The following SLC45A2 variants were observed in gnomAD, a reference collection of about 807,000 sequenced individuals.
SLC45A2 encodes the protein solute carrier family 45 member 2.
A neutral mutation model predicts 45.5 loss-of-function variants in SLC45A2; 36 were observed. That is an observed-to-expected ratio of 0.79 (90% CI 0.61 to 1.04). SLC45A2 has a LOEUF of 1.04. Among genes scored for constraint, SLC45A2 ranks in the 50% least tolerant of loss-of-function variants. The pLI is 0.00. For synonymous variants in SLC45A2, 306 were observed against 269.3 expected (o/e 1.14, Z -1.33); for missense variants, 719 against 671.0 (o/e 1.07, Z -0.79).
At chr5:33,960,617 G>A (rs1475263113) in intron 3 of SLC45A2, among the ~76,000 whole-genome samples, 2 of 152,154 alleles carry the variant, frequency 1.3e-5, no homozygotes, top group East Asian at 3.9e-4. Context: ...GGGTAAGTGT[G>A]GAAAGGGGAT....
In SLC45A2 at chr5:33,955,683, C is replaced by T. The variant is rs574997542; in HGVS notation, c.889-1179G>A. Among the ~76,000 whole-genome samples the T allele has an allele frequency of 4.6e-5, 7 of 151,918 alleles. 1 individual carries two copies. The highest frequency in any genetic ancestry group is 1.7e-4 in the African/African-American group (7 of 41,426). On this transcript the variant is annotated intron_variant, in intron 3 of 6. Coordinates refer to ENST00000296589, the MANE Select transcript of SLC45A2 (RefSeq NM_016180.5). ...AACACACACACACACACACGGTCTT[C>T]AATATGTTAATGGAAAATGCATATT...
At chr5:33,983,404 A>G (rs1753139570) in intron 1 of SLC45A2, among the ~76,000 whole-genome samples, 1 of 152,232 alleles carries the variant, frequency 6.6e-6, no homozygotes, top group Non-Finnish European at 1.5e-5. Flanking sequence ...TCCTTCAGTA[A>G]TCCTCCTTAG....
rs148973175 is a variant in SLC45A2, at chr5:33,951,591, G to T, written c.1119C>A (p.Gly373=). 13 of 1,613,932 alleles carry T rather than the reference G, an allele frequency of 8.1e-6. No homozygotes were observed. The African/African-American group carries it at 1.7e-4, about 22-fold the overall frequency. Residue 373 remains glycine, a synonymous_variant, in exon 5 of 7, where the codon GGC becomes GGA. Transcript: ENST00000296589. ...AGGAAAACACGGAGTTGATGCACAA[G>T]CCCCAACATCCAACCTCGACTCCTC... ...YERGVEVGCW[G]LCINSVFSSL...
At chr5:33,950,015 C>T (rs1024867279) in intron 5 of SLC45A2, among the ~76,000 whole-genome samples, 1 of 151,590 alleles carries the variant, frequency 6.6e-6, no homozygotes, top group African/African-American at 2.4e-5. Flanking sequence ...TAGGGAGACC[C>T]CATCTCTAAA....
intron 2 of SLC45A2, among the ~76,000 whole-genome samples, chr5:33,971,692 T>G (rs1168044150): frequency 6.6e-6 from 1 of 152,192 alleles, no homozygotes; most frequent in Non-Finnish European, 1.5e-5. Context: ...AGTGGCGTGA[T>G]CTTGGTTCAC....
At chr5:33,964,150 T>C (rs1382353926) in intron 2 of SLC45A2, 134 bp from the exon 3 acceptor site, 10 of 892,166 alleles carry the variant, frequency 1.1e-5, no homozygotes, top group Non-Finnish European at 1.8e-5. Flanking sequence ...GGAAAAGCAA[T>C]ACAGCAAGAG....
Position 33,982,386 on chromosome 5 carries a change from G to T in SLC45A2, c.412C>A (p.Leu138Met). 1 of 1,614,154 alleles carries T rather than the reference G, an allele frequency of 6.2e-7. No homozygotes were observed. Among genetic ancestry groups the T allele is most frequent in the Non-Finnish European group, 8.5e-7 (1 of 1,180,026 alleles). Residue 138 changes from leucine to methionine, a missense_variant, in exon 2 of 7, where the codon CTG (leucine) becomes ATG (methionine). Physicochemically the swap from Leu to Met is conservative, Grantham distance 15. Transcript: ENST00000296589. ...AALIANPRRKLVWAISVTMIG... is the reference protein window; with the variant it reads ...AALIANPRRKMVWAISVTMIG... ...ATGGTGACACTTATGGCCCAAACCAGCTTCCTCCTTGGGTTAGCAATCAAA... is the reference window on the plus strand; with the variant it reads ...ATGGTGACACTTATGGCCCAAACCATCTTCCTCCTTGGGTTAGCAATCAAA...
intron 2 of SLC45A2, among the ~76,000 whole-genome samples, chr5:33,979,084 C>T (rs1188551185): frequency 6.6e-6 from 1 of 152,250 alleles, no homozygotes; most frequent in East Asian, 1.9e-4. Flanking sequence ...TATTCTGAGC[C>T]AAATATGAAG....
chr5:33,947,259 G>C lies in SLC45A2; in HGVS notation c.1272C>G (p.Thr424=), dbSNP rs374730575. ...CACCAAACAGGCTGCACAGGACCAGGGTGGAGTAGACATTCGGGAAGAGCC... is the reference window on the plus strand; with the variant it reads ...CACCAAACAGGCTGCACAGGACCAGCGTGGAGTAGACATTCGGGAAGAGCC... The part of the protein sequence containing the change: ...FIGLFPNVYS[T]LVLCSLFGVM... The change falls in exon 6 of 7, where the codon ACC becomes ACG. Residue 424 remains threonine (T), a synonymous_variant. Coordinates refer to ENST00000296589, the MANE Select transcript of SLC45A2 (RefSeq NM_016180.5). 1.2e-5 allele frequency: 20 copies of C among 1,614,194 alleles called. No homozygotes were observed. The highest frequency in any genetic ancestry group is 1.6e-4 in the Middle Eastern group (1 of 6,062).
intron 3 of SLC45A2, among the ~76,000 whole-genome samples, chr5:33,959,344 T>C (rs571362545): frequency 3.3e-5 from 5 of 152,218 alleles, no homozygotes; most frequent in Non-Finnish European, 5.9e-5. Context: ...ATTCTTTGGC[T>C]GTCCTGCATA....
At chr5:33,966,560 C>G (rs1237448298) in intron 2 of SLC45A2, among the ~76,000 whole-genome samples, 2 of 151,688 alleles carry the variant, frequency 1.3e-5, no homozygotes, top group Non-Finnish European at 2.9e-5. Context: ...CCTGCCTCAG[C>G]CTCCCAAGTA....
chr5:33,963,620 T>C (rs1752511507), intron 3 of SLC45A2, 71 bp downstream of exon 3: 1 of 1,431,620 alleles, frequency 7.0e-7, no homozygotes, highest in Non-Finnish European at 9.4e-7. Context: ...AAACAAACAA[T>C]TAAAAAAACA....
chr5:33,945,795 G>T (rs1236294568), intron 6 of SLC45A2: 2 of 289,524 alleles, frequency 6.9e-6, no homozygotes, highest in Non-Finnish European at 1.0e-5. Flanking sequence ...TACACTATTA[G>T]GCAAAAAAAA....
At chr5:33,947,119 T>G (rs1413834283) in intron 6 of SLC45A2, 44 bp downstream of exon 6, 1 of 1,614,076 alleles carries the variant, frequency 6.2e-7, no homozygotes, top group Non-Finnish European at 8.5e-7. Flanking sequence ...AGCCTTCAGA[T>G]GAGTCTGGAT....
chr5:33,953,802 A>G (rs1752188527), intron 4 of SLC45A2, among the ~76,000 whole-genome samples: 2 of 103,952 alleles, frequency 1.9e-5, no homozygotes, highest in Non-Finnish European at 3.9e-5. Flanking sequence ...AGTGTGCTGT[A>G]TTCAGGAAAC....
intron 2 of SLC45A2, among the ~76,000 whole-genome samples, chr5:33,979,236 G>A (rs181405584): frequency 2.0e-5 from 3 of 152,338 alleles, no homozygotes; most frequent in African/African-American, 7.2e-5. Context: ...GTCTGGAAAG[G>A]CAGGACAAAT....
chr5:33,950,168 T>G (rs1306569725), intron 5 of SLC45A2, among the ~76,000 whole-genome samples: 1 of 151,982 alleles, frequency 6.6e-6, no homozygotes, highest in Admixed American at 6.6e-5. Context: ...CCAGCTCAGG[T>G]GGCAGAGTGA....
At chr5:33,964,981 C>G (rs1057185890) in intron 2 of SLC45A2, among the ~76,000 whole-genome samples, 1 of 151,966 alleles carries the variant, frequency 6.6e-6, no homozygotes, top group Admixed American at 6.6e-5. Flanking sequence ...TATGGGATGT[C>G]GAGGGAATTA....
At chr5:33,975,281 T>C (rs964547805) in intron 2 of SLC45A2, among the ~76,000 whole-genome samples, 7 of 152,258 alleles carry the variant, frequency 4.6e-5, no homozygotes, top group African/African-American at 1.7e-4. Flanking sequence ...AACAGGGTTA[T>C]GTAACCCTCG....
Sources: gnomAD v4.1 joint callset for allele counts (sites outside exome capture counted in the v4.1 genomes callset) on GRCh38, gnomAD v4.1.1 for gene constraint, MANE v1.5 for transcripts, NCBI Gene and HGNC (gene_info 2026-07-23, HGNC 2026-07-21) for gene names.